Variants in MAP2K3 observed in about 807,000 individuals in gnomAD.
MAP2K3 encodes the protein dual specificity mitogen-activated protein kinase kinase 3.
In MAP2K3, 30 loss-of-function variants were observed where a neutral mutation model predicts 46.4. The observed-to-expected ratio is 0.65, with a 90% CI of 0.48 to 0.88. MAP2K3 has a LOEUF of 0.88. MAP2K3 is among the 40% of genes least tolerant of loss of function. The pLI is 0.00. For missense variants in MAP2K3, 380 were observed against 464.5 expected, an observed-to-expected ratio of 0.82 and a Z score of 1.67; for synonymous variants, 189 against 176.3, an observed-to-expected ratio of 1.07 and a Z score of -0.57.
chr17:21,286,717 T>C (rs563399255), intron 1 of MAP2K3, among the ~76,000 whole-genome samples: 39 of 152,296 alleles, frequency 2.6e-4, no homozygotes, highest in African/African-American at 7.9e-4. Flanking sequence ...AAATAAAAGT[T>C]CCAGTTGCAG....
intron 3 of MAP2K3, 171 bp from the exon 4 acceptor site, chr17:21,300,374 A>AGAG: frequency 1.5e-6 from 1 of 681,160 alleles, no homozygotes; most frequent in Non-Finnish European, 2.6e-6. Flanking sequence ...TGAGGCTCAG[A>AGAG]GAGGTTAAGT....
In MAP2K3 at chr17:21,284,938, G is replaced by C. The variant is rs775589134; in HGVS notation, c.18G>C (p.Ser6=). The change falls in exon 1 of 12, where the codon TCG becomes TCC. Residue 6 remains serine, a synonymous_variant. Coordinates refer to ENST00000342679, the MANE Select transcript of MAP2K3 (RefSeq NM_145109.3). Reference sequence around the variant, plus strand: ...CTTGCAGCATGGAGTCGCCCGCCTCGAGCCAGCCCGCCAGCATGCCCCAGT... The same window carrying C: ...CTTGCAGCATGGAGTCGCCCGCCTCCAGCCAGCCCGCCAGCATGCCCCAGT... MESPA[S]SQPASMPQSK... is the part of the protein sequence containing the mutation. 1 of 1,612,140 alleles carries C rather than the reference G, an allele frequency of 6.2e-7. No homozygotes were observed. The highest frequency in any genetic ancestry group is 1.1e-5 in the South Asian group (1 of 90,938).
intron 1 of MAP2K3, among the ~76,000 whole-genome samples, chr17:21,294,563 A>G (rs1597806278): frequency 6.6e-6 from 1 of 152,310 alleles, no homozygotes; most frequent in African/African-American, 2.4e-5. Flanking sequence ...AGCCAGACAG[A>G]CCTGCCTTTA....
At chr17:21,291,328 G>GAATACAATACAATAGAATACAATAC in intron 1 of MAP2K3, 2 of 56,150 alleles carry the variant, frequency 3.6e-5, no homozygotes, top group South Asian at 2.0e-4. Flanking sequence ...GAATACAATA[G>GAATACAATACAATAGAATACAATAC]AATACAGTAC....
At chr17:21,306,226 A>T (rs1479524033) in intron 9 of MAP2K3, among the ~76,000 whole-genome samples, 1 of 152,200 alleles carries the variant, frequency 6.6e-6, no homozygotes, top group East Asian at 1.9e-4. Flanking sequence ...ATACTACTGG[A>T]CTGACCAGCT....
chr17:21,306,421 C>G (rs1238594149), intron 9 of MAP2K3, among the ~76,000 whole-genome samples: 3 of 152,234 alleles, frequency 2.0e-5, no homozygotes, highest in Non-Finnish European at 4.4e-5. Context: ...CTGCCGTGCC[C>G]TCTCAGGGCC....
chr17:21,312,370 G>A (rs73302038), intron 10 of MAP2K3, 89 bp downstream of exon 10: 6 of 1,362,750 alleles, frequency 4.4e-6, no homozygotes, highest in East Asian at 3.0e-5. Context: ...TTATTCCTTT[G>A]GCAAATAAAC....
At chr17:21,313,869 A>C (rs1977283640) in intron 11 of MAP2K3, 1 of 572,376 alleles carries the variant, frequency 1.7e-6, no homozygotes, top group African/African-American at 1.9e-5. Context: ...CCTGATGGAG[A>C]GGCTGTCCCA....
rs1025458592 is a variant in MAP2K3, at chr17:21,284,862, C to G, written c.-59C>G. ...CCGCAGCCATGAGCGTGCTCGGCCC[C>G]GGTGGAGCCCGCAGTCCTCTAGATT... On this transcript the variant is annotated 5_prime_UTR_variant, in exon 1 of 12. Coordinates refer to ENST00000342679, the MANE Select transcript of MAP2K3 (RefSeq NM_145109.3). The G allele has an allele frequency of 5.1e-6, 8 of 1,574,878 alleles. No homozygotes were observed. The highest frequency in any genetic ancestry group is 1.8e-5 in the Admixed American group (1 of 56,826).
intron 1 of MAP2K3, chr17:21,295,580 G>A: frequency 7.9e-7 from 1 of 1,270,628 alleles, no homozygotes; most frequent in Non-Finnish European, 1.0e-6. Flanking sequence ...TTTCTAGGCT[G>A]TCTCCATGAC....
intron 1 of MAP2K3, among the ~76,000 whole-genome samples, chr17:21,287,307 C>T (rs1424984902): frequency 1.3e-5 from 2 of 152,250 alleles, no homozygotes; most frequent in African/African-American, 4.8e-5. Flanking sequence ...CTGCAAAATC[C>T]CACTCATTTG....
At chr17:21,310,964 G>A (rs1223008523) in intron 9 of MAP2K3, among the ~76,000 whole-genome samples, 1 of 152,202 alleles carries the variant, frequency 6.6e-6, no homozygotes, top group East Asian at 1.9e-4. Context: ...AGCTCGTATG[G>A]GGTACTTGCT....
In MAP2K3 at chr17:21,314,797, C is replaced by T. The variant is rs1214133933; in HGVS notation, c.*567C>T. ...CCCCTGGCACTGGCAAACAGGGCCT[C>T]TGCGGAGCACACTGGCTCACCCAGT... is the stretch of plus-strand genomic sequence containing the variant. On this transcript the variant is annotated 3_prime_UTR_variant, in exon 12 of 12. Transcript: ENST00000342679. 2.6e-5 allele frequency: 4 copies of T among 153,742 alleles called. No homozygotes were observed. Among genetic ancestry groups the T allele is most frequent in the African/African-American group, 9.6e-5 (4 of 41,510 alleles). The allele number at this position is 153,742 out of a possible 1,614,324, so 9.5% of individuals were successfully genotyped here.
rs1405760305 is a variant in MAP2K3 at position 21,284,884 on chromosome 17, G to T, written c.-37G>T. The T allele has an allele frequency of 6.2e-7, 1 of 1,610,034 alleles. No homozygotes were observed. Among genetic ancestry groups the T allele is most frequent in the East Asian group, 2.2e-5 (1 of 44,792 alleles). On this transcript the variant is annotated 5_prime_UTR_variant, in exon 1 of 12. Coordinates refer to ENST00000342679, the MANE Select transcript of MAP2K3 (RefSeq NM_145109.3). ...CCCCGGTGGAGCCCGCAGTCCTCTA[G>T]ATTAGTCTCCACCGCCGTCCAGGAC...
chr17:21,313,050 C>G (rs778229861), intron 10 of MAP2K3, among the ~76,000 whole-genome samples: 1 of 152,152 alleles, frequency 6.6e-6, no homozygotes, highest in Non-Finnish European at 1.5e-5. Flanking sequence ...CACCCATGGT[C>G]CCCGCACTTT....
intron 1 of MAP2K3, chr17:21,291,482 C>G (rs1347277309): frequency 4.4e-6 from 2 of 456,348 alleles, no homozygotes; most frequent in African/African-American, 4.0e-5. Flanking sequence ...CTGGCAATGG[C>G]CTTGCTGACC....
At position 21,288,198 on chromosome 17, in the gene MAP2K3, A is replaced by G. The variant is rs373485453; in HGVS notation, c.49+3229A>G. On this transcript the variant is annotated intron_variant, in intron 1 of 11. Coordinates refer to ENST00000342679, the MANE Select transcript of MAP2K3 (RefSeq NM_145109.3). ...CAGCCTGGTGGGTGGGGAGGGGGTT[A>G]CGTGTCCTGCAGGTGGCACCTAGCC... 9.1e-6 allele frequency: 8 copies of G among 874,954 alleles called. No homozygotes were observed. The East Asian group carries it at 5.1e-4, about 55-fold the overall frequency. 54.2% of individuals were successfully genotyped at this position (874,954 alleles called of 1,614,324 possible).
chr17:21,307,845 CTTTTTTT>C (rs35690616), intron 9 of MAP2K3, among the ~76,000 whole-genome samples: 6,562 of 100,822 alleles, frequency 0.065, 2 homozygotes, highest in East Asian at 0.13. Flanking sequence ...GCCCGGCTAT[CTTTTTTT>C]TTTTTTTTTT....
chr17:21,289,090 A>C (rs1975806594), intron 1 of MAP2K3, among the ~76,000 whole-genome samples: 1 of 152,216 alleles, frequency 6.6e-6, no homozygotes, highest in African/African-American at 2.4e-5. Context: ...GGGCTTCGTG[A>C]CAATGTGCTC....
Sources: gnomAD v4.1 joint callset for allele counts (sites outside exome capture counted in the v4.1 genomes callset) on GRCh38, gnomAD v4.1.1 for gene constraint, MANE v1.5 for transcripts, NCBI Gene and HGNC (gene_info 2026-07-23, HGNC 2026-07-21) for gene names.